The following CD226 variants were observed in gnomAD, a reference collection of about 807,000 sequenced individuals.
CD226 encodes CD226 antigen.
CD226 carries 24 observed loss-of-function variants against 34.9 expected under a neutral mutation model. The observed-to-expected ratio is 0.69, with a 90% CI of 0.50 to 0.97. The LOEUF is 0.97. CD226 is among the 50% of genes least tolerant of loss of function. The pLI is 0.00. For missense variants in CD226, 397 were observed against 412.7 expected (o/e 0.96, Z 0.33); for synonymous variants, 148 against 147.4 (o/e 1.00, Z -0.03).
At chr18:69,874,570 T>C (rs1363788290) in intron 3 of CD226, among the ~76,000 whole-genome samples, 1 of 152,200 alleles carries the variant, frequency 6.6e-6, no homozygotes, top group Non-Finnish European at 1.5e-5. Flanking sequence ...ATGTTTGTAC[T>C]GTGACACCCC....
intron 1 of CD226, among the ~76,000 whole-genome samples, chr18:69,955,659 C>T (rs901346694): frequency 6.6e-6 from 1 of 151,958 alleles, no homozygotes; most frequent in African/African-American, 2.4e-5. Flanking sequence ...GTCAGGAGAT[C>T]GAGACCATCG....
rs547795545 is a variant in CD226 at position 69,914,644 on chromosome 18, T to C, written c.383-18599A>G. 1.2e-3 allele frequency among the ~76,000 whole-genome samples: 190 copies of C among 152,314 alleles called. 1 individual carries two copies. The highest frequency in any genetic ancestry group is 4.4e-3 in the African/African-American group (184 of 41,570). On this transcript the variant is annotated intron_variant, in intron 2 of 5. Transcript: ENST00000582621. Reference sequence around the variant, plus strand: ...GAATGACAACCACAACCATTTCAGTTGCATTCAGCTGTCATTCTGTTACTC... The same window carrying C: ...GAATGACAACCACAACCATTTCAGTCGCATTCAGCTGTCATTCTGTTACTC...
intron 2 of CD226, among the ~76,000 whole-genome samples, chr18:69,924,103 C>T (rs1379576811): frequency 1.3e-5 from 2 of 151,746 alleles, no homozygotes; most frequent in Non-Finnish European, 2.9e-5. Flanking sequence ...AAGGGAGAAA[C>T]GAGCTTCTTG....
rs1219525587 is a variant in CD226 at position 69,857,349 on chromosome 18, A to G, written c.*6965T>C. On this transcript the variant is annotated 3_prime_UTR_variant, in exon 6 of 6. Transcript: ENST00000582621. ...CTGAGGACCATTATACGATAAAAAT[A>G]AAGTGTGGGATAAATCAGCTCAACT... is the stretch of plus-strand genomic sequence containing the variant. 6.6e-6 allele frequency: 1 copy of G among 152,230 alleles called. No individual in the cohort carries two copies. The highest frequency in any genetic ancestry group is 1.5e-5 in the Non-Finnish European group (1 of 68,036). The allele number at this position is 152,230 out of a possible 1,614,324, so 9.4% of individuals were successfully genotyped here.
intron 4 of CD226, among the ~76,000 whole-genome samples, chr18:69,867,794 G>A (rs776945656): frequency 1.3e-5 from 2 of 151,768 alleles, no homozygotes; most frequent in African/African-American, 2.4e-5. Flanking sequence ...GTAACTTCTT[G>A]GATGACAATA....
chr18:69,931,028 A>C (rs977855849), intron 2 of CD226, among the ~76,000 whole-genome samples: 42 of 152,316 alleles, frequency 2.8e-4, no homozygotes, highest in African/African-American at 9.9e-4. Context: ...TGTGGCACAT[A>C]TACACCATGG....
rs1469858 is a variant in CD226 at position 69,861,981 on chromosome 18, G to C, written c.*2333C>G. 6.6e-6 allele frequency: 1 copy of C among 151,770 alleles called. No individual in the cohort carries two copies. Among genetic ancestry groups the C allele is most frequent in the African/African-American group, 2.4e-5 (1 of 41,328 alleles). 9.4% of individuals were successfully genotyped at this position (151,770 alleles called of 1,614,324 possible). On this transcript the variant is annotated 3_prime_UTR_variant, in exon 6 of 6. Coordinates refer to ENST00000582621, the MANE Select transcript of CD226 (RefSeq NM_001303618.2). The stretch of plus-strand genomic sequence containing the variant: ...ACACTCTGTAGAGGAAGAATATATA[G>C]AGAAGAAAGGACAGAGTAAATAGTT...
intron 2 of CD226, among the ~76,000 whole-genome samples, chr18:69,933,568 G>A (rs929933223): frequency 1.3e-5 from 2 of 152,094 alleles, no homozygotes; most frequent in African/African-American, 2.4e-5. Flanking sequence ...CAGTCACTTG[G>A]CCCAAACGTT....
intron 3 of CD226, among the ~76,000 whole-genome samples, chr18:69,893,025 A>C (rs1984998080): frequency 6.6e-6 from 1 of 152,224 alleles, no homozygotes; most frequent in Non-Finnish European, 1.5e-5. Context: ...AAATAATCAA[A>C]TTGCACCAGA....
upstream of CD226, among the ~76,000 whole-genome samples, chr18:69,948,078 G>T (rs917576381): frequency 6.6e-6 from 1 of 152,138 alleles, no homozygotes; most frequent in African/African-American, 2.4e-5. Flanking sequence ...CATTATGAGA[G>T]ATTTAACTTC....
intron 2 of CD226, among the ~76,000 whole-genome samples, chr18:69,915,267 G>T (rs1277773514): frequency 1.9e-4 from 29 of 152,164 alleles, no homozygotes; most frequent in Admixed American, 1.9e-3. Context: ...ATACACTTTA[G>T]CAAATGATCA....
At chr18:69,948,490 T>C (rs1007993381), upstream of CD226, among the ~76,000 whole-genome samples, 1 of 152,210 alleles carries the variant, frequency 6.6e-6, no homozygotes, top group African/African-American at 2.4e-5. Flanking sequence ...TGTTTGTGAC[T>C]CAGTCTCAAA....
chr18:69,925,006 G>A (rs908544149), intron 2 of CD226, among the ~76,000 whole-genome samples: 5 of 152,132 alleles, frequency 3.3e-5, no homozygotes, highest in Admixed American at 6.5e-5. Flanking sequence ...GAACAGATAA[G>A]CAACATATAT....
At chr18:69,897,531 A>C (rs891089817) in intron 2 of CD226, among the ~76,000 whole-genome samples, 2 of 152,196 alleles carry the variant, frequency 1.3e-5, no homozygotes, top group African/African-American at 4.8e-5. Context: ...AAATGCAAAA[A>C]GTGGGAAGTC....
chr18:69,889,487 T>TAAAA (rs11452379), intron 3 of CD226, among the ~76,000 whole-genome samples: 1 of 147,384 alleles, frequency 6.8e-6, no homozygotes, highest in Admixed American at 6.7e-5. Context: ...ATGGAATCCT[T>TAAAA]AAAAAAAAAA....
intron 2 of CD226, among the ~76,000 whole-genome samples, chr18:69,905,668 A>G (rs935815320): frequency 6.6e-6 from 1 of 152,172 alleles, no homozygotes; most frequent in African/African-American, 2.4e-5. Flanking sequence ...TTCATCCACA[A>G]AGATTACTGG....
chr18:69,865,240 T>C (rs1449441750), intron 5 of CD226, among the ~76,000 whole-genome samples: 2 of 152,160 alleles, frequency 1.3e-5, no homozygotes, highest in African/African-American at 2.4e-5. Context: ...TCCGCCCACC[T>C]CAGCCTCCCA....
intron 2 of CD226, among the ~76,000 whole-genome samples, chr18:69,915,683 T>G (rs2055377522): frequency 6.6e-6 from 1 of 152,168 alleles, no homozygotes. Flanking sequence ...TAGGGATGAC[T>G]TCCATTTCCC....
At position 69,896,107 on chromosome 18, in the gene CD226, G is replaced by C. The variant is rs1354464966; in HGVS notation, c.383-62C>G. 12 of 1,530,704 alleles carry C rather than the reference G, an allele frequency of 7.8e-6. No individual in the cohort carries two copies. In the Admixed American group the frequency reaches 2.0e-4, roughly 25 times the overall value. The allele number at this position is 1,530,704 out of a possible 1,614,324, so 94.8% of individuals were successfully genotyped here. Reference sequence around the variant, plus strand: ...CAAATTTTGGGACACCCAACTGGAAGATACTTAATCATAAAAATAATTGGT... The same window carrying C: ...CAAATTTTGGGACACCCAACTGGAACATACTTAATCATAAAAATAATTGGT... On this transcript the variant is annotated intron_variant, in intron 2 of 5. Transcript: ENST00000582621.
Sources: gnomAD v4.1 joint callset for allele counts (sites outside exome capture counted in the v4.1 genomes callset) on GRCh38, gnomAD v4.1.1 for gene constraint, MANE v1.5 for transcripts, NCBI Gene and HGNC (gene_info 2026-07-23, HGNC 2026-07-21) for gene names.